ZNF595: variants seen among roughly 807,000 people sequenced by gnomAD.
The protein encoded by ZNF595 is zinc finger protein 595.
Under a neutral mutation model 19.4 loss-of-function variants are expected in ZNF595, and 9 were observed. The ratio of observed to expected loss-of-function variants is 0.46; its 90% CI spans 0.28 to 0.81. The LOEUF (loss-of-function observed/expected upper bound fraction) is 0.81. Among genes scored for constraint, ZNF595 ranks in the 30% least tolerant of loss-of-function variants. The pLI is 0.11. For synonymous variants in ZNF595, 255 were observed against 255.9 expected (o/e 1.00, Z 0.03); for missense variants, 729 against 736.0 (o/e 0.99, Z 0.11).
chr4:84,247 A>G (rs1344143737), intron 3 of ZNF595, among the ~76,000 whole-genome samples: 2 of 152,162 alleles, frequency 1.3e-5, no homozygotes, highest in Non-Finnish European at 2.9e-5. Context: ...CTGCACTATC[A>G]TGATAATGGT....
At chr4:82,371 GGTTTTTT>G (rs1379524422) in intron 3 of ZNF595, among the ~76,000 whole-genome samples, 3,528 of 97,644 alleles carry the variant, frequency 0.036, 125 homozygotes, top group Middle Eastern at 0.087. Flanking sequence ...TTTGGTTTGT[GGTTTTTT>G]TTTTTTTTTT....
At chr4:82,201 G>A (rs999774201) in intron 3 of ZNF595, among the ~76,000 whole-genome samples, 1 of 151,872 alleles carries the variant, frequency 6.6e-6, no homozygotes, top group Non-Finnish European at 1.5e-5. Flanking sequence ...ATAATTTGGG[G>A]GTTGCTATTT....
Position 86,533 on chromosome 4 carries a change from A to G in ZNF595, c.1029A>G (p.Glu343=). The G allele has an allele frequency of 6.2e-7, 1 of 1,613,992 alleles. No individual in the cohort carries two copies. The highest frequency in any genetic ancestry group is 8.5e-7 in the Non-Finnish European group (1 of 1,179,904). Residue 343 remains glutamate (E), a synonymous_variant, in exon 4 of 4, where the codon GAA becomes GAG. Transcript: ENST00000610261. ...CTGGCGAAAAACCCTACACATGTGA[A>G]AAATGTGGCAAAGCTTTTAACCAAT... ...IHTGEKPYTC[E]KCGKAFNQSS...
intron 3 of ZNF595, among the ~76,000 whole-genome samples, chr4:77,731 A>G (rs1553799001): frequency 6.6e-6 from 1 of 152,124 alleles, no homozygotes; most frequent in African/African-American, 2.4e-5. Flanking sequence ...GAAAGACTAG[A>G]CTTTCTTCAA....
chr4:86,661 A>G lies in ZNF595; in HGVS notation c.1157A>G (p.His386Arg), dbSNP rs544057287. 3.1e-6 allele frequency: 5 copies of G among 1,613,800 alleles called. No individual in the cohort carries two copies. In the South Asian group the frequency reaches 3.3e-5, roughly 11 times the overall value. Reference sequence around the variant, plus strand: ...ACTTGGTCCTCATCCCTTAATAAACATAAGAGAATTCATACTGGAGAGAAA... The same window carrying G: ...ACTTGGTCCTCATCCCTTAATAAACGTAAGAGAATTCATACTGGAGAGAAA... ...AFTWSSSLNKHKRIHTGEKPY... is the reference protein window; with the variant it reads ...AFTWSSSLNKRKRIHTGEKPY... The change falls in exon 4 of 4, where the codon CAT (histidine) becomes CGT (arginine). Residue 386 changes from histidine to arginine, a missense_variant. Transcript: ENST00000610261.
At chr4:77,771 A>C (rs1426680233) in intron 3 of ZNF595, among the ~76,000 whole-genome samples, 1 of 150,778 alleles carries the variant, frequency 6.6e-6, no homozygotes, top group Non-Finnish European at 1.5e-5. Context: ...GGCCTGAGAC[A>C]AAAAAAAATC....
chr4:71,505 C>T (rs1183307513), intron 3 of ZNF595, among the ~76,000 whole-genome samples: 2 of 152,030 alleles, frequency 1.3e-5, no homozygotes, highest in Admixed American at 6.5e-5. Flanking sequence ...TTGTCTTTTC[C>T]TGGTCCTAGG....
At chr4:60,791 G>A (rs10018669) in intron 3 of ZNF595, among the ~76,000 whole-genome samples, 262 of 148,214 alleles carry the variant, frequency 1.8e-3, no homozygotes, top group Middle Eastern at 7.4e-3. Context: ...AGAACAATAA[G>A]CGTTTTTCCA....
chr4:74,012 G>A (rs1187726686), intron 3 of ZNF595, among the ~76,000 whole-genome samples: 1 of 152,108 alleles, frequency 6.6e-6, no homozygotes, highest in Non-Finnish European at 1.5e-5. Context: ...TTTGGTGTTA[G>A]AATAAAGATA....
At position 64,040 on chromosome 4, in the gene ZNF595, A is replaced by G. The variant is rs1712973844; in HGVS notation, c.226+3887A>G. On this transcript the variant is annotated intron_variant, in intron 3 of 3. Transcript: ENST00000610261. ...TGAAAGTTTGTATCAGAACAATTAG[A>G]CAAGGAAAATAACAAAGCTTTCCAG... 4.5e-5 allele frequency among the ~76,000 whole-genome samples: 6 copies of G among 134,096 alleles called. No homozygotes were observed. The South Asian group carries it at 1.6e-3, about 36-fold the overall frequency. The allele number at this position is 134,096 out of a possible 152,430, so 88.0% of individuals were successfully genotyped here.
At chr4:74,437 T>A (rs1553798365) in intron 3 of ZNF595, among the ~76,000 whole-genome samples, 1 of 152,242 alleles carries the variant, frequency 6.6e-6, no homozygotes, top group Admixed American at 6.5e-5. Context: ...ATTATCATAT[T>A]TGTCTGTTTT....
chr4:86,194 T>G lies in ZNF595; in HGVS notation c.690T>G (p.Cys230Trp). ...ATACTGGAGAGAAACCCTACACATG[T>G]GAAGAATGTGGCAAAGCCTTTAGAC... ...RIHTGEKPYT[C>W]EECGKAFRRS... The change falls in exon 4 of 4, where the codon TGT becomes TGG. Residue 230 changes from cysteine to tryptophan, a missense_variant. By Grantham distance (215) the Cys-to-Trp change is radical. Coordinates refer to ENST00000610261, the MANE Select transcript of ZNF595 (RefSeq NM_182524.4). 6.2e-7 allele frequency: 1 copy of G among 1,613,764 alleles called. No homozygotes were observed. The highest frequency in any genetic ancestry group is 8.5e-7 in the Non-Finnish European group (1 of 1,179,856).
chr4:73,469 T>G (rs559432314), intron 3 of ZNF595, among the ~76,000 whole-genome samples: 21 of 152,246 alleles, frequency 1.4e-4, no homozygotes, highest in Admixed American at 9.2e-4. Flanking sequence ...GAAGACAAAA[T>G]TATTTGTTTA....
At chr4:66,468 G>T (rs1713115367) in intron 3 of ZNF595, among the ~76,000 whole-genome samples, 2 of 151,824 alleles carry the variant, frequency 1.3e-5, no homozygotes, top group Non-Finnish European at 2.9e-5. Flanking sequence ...CTACTTTTCT[G>T]TGCTTTTGAA....
chr4:81,377 A>G (rs939445389), intron 3 of ZNF595, among the ~76,000 whole-genome samples: 2 of 152,134 alleles, frequency 1.3e-5, no homozygotes, highest in Non-Finnish European at 2.9e-5. Context: ...TTTGTATACA[A>G]TGGTGATTTT....
intron 3 of ZNF595, among the ~76,000 whole-genome samples, chr4:82,299 T>C (rs1318158168): frequency 6.6e-6 from 1 of 151,996 alleles, no homozygotes; most frequent in African/African-American, 2.4e-5. Flanking sequence ...TCTTCATATT[T>C]GAAACTTTGA....
intron 3 of ZNF595, among the ~76,000 whole-genome samples, chr4:78,229 C>G (rs1261047165): frequency 6.6e-6 from 1 of 152,120 alleles, no homozygotes; most frequent in African/African-American, 2.4e-5. Context: ...AGGATGGTCT[C>G]GATCTCCTGA....
chr4:86,988 T>C lies in ZNF595; in HGVS notation c.1484T>C (p.Leu495Pro), dbSNP rs782542402. 6.2e-7 allele frequency: 1 copy of C among 1,613,978 alleles called. No individual in the cohort carries two copies. Among genetic ancestry groups the C allele is most frequent in the South Asian group, 1.1e-5 (1 of 91,072 alleles). ...AAAGCTTTCATATGGTCCGCAAGCC[T>C]GAATGAACATAAGAATATTCATACT... ...CGKAFIWSAS[L>P]NEHKNIHTGE... is the part of the protein sequence containing the mutation. Residue 495 changes from leucine (L) to proline (P), a missense_variant, in exon 4 of 4, where the codon CTG becomes CCG. By Grantham distance (98) the Leu-to-Pro change is moderately conservative (BLOSUM62 -3). Coordinates refer to ENST00000610261, the MANE Select transcript of ZNF595 (RefSeq NM_182524.4).
intron 3 of ZNF595, among the ~76,000 whole-genome samples, chr4:70,425 C>A (rs1418250018): frequency 6.6e-6 from 1 of 151,790 alleles, no homozygotes; most frequent in African/African-American, 2.4e-5. Flanking sequence ...GCAACCTCTG[C>A]CTCCCAGGTT....
Sources: allele counts gnomAD v4.1 joint callset (sites outside exome capture counted in the v4.1 genomes callset), GRCh38; gene constraint gnomAD v4.1.1; transcripts MANE v1.5; gene names NCBI Gene and HGNC (gene_info 2026-07-23, HGNC 2026-07-21).